Variants in ZNF83 observed in about 807,000 individuals in gnomAD.
The protein encoded by ZNF83 is zinc finger protein 816B.
For missense variants in ZNF83, 552 were observed against 629.9 expected (o/e 0.88, Z 1.32); for synonymous variants, 209 against 213.0 (o/e 0.98, Z 0.17).
At chr19:52,676,014 C>T (rs2061796379) in intron 1 of ZNF83, among the ~76,000 whole-genome samples, 1 of 152,098 alleles carries the variant, frequency 6.6e-6, no homozygotes, top group Non-Finnish European at 1.5e-5. Context: ...CATGGTGAAA[C>T]CCTGTCTCTA....
At chr19:52,687,607 ATATAATGTG>A (rs1209189982) in intron 1 of ZNF83, among the ~76,000 whole-genome samples, 1 of 20,378 alleles carries the variant, frequency 4.9e-5, no homozygotes, top group Non-Finnish European at 8.1e-5. Flanking sequence ...ATGTATATAT[ATATAATGTG>A]TATATATATA....
chr19:52,658,436 C>T (rs370868968), intron 2 of ZNF83, among the ~76,000 whole-genome samples: 18 of 152,118 alleles, frequency 1.2e-4, no homozygotes, highest in Non-Finnish European at 2.2e-4. Flanking sequence ...TGTGGTGGTG[C>T]GCACCTGTAA....
chr19:52,645,173 C>T (rs1462908135), intron 3 of ZNF83, among the ~76,000 whole-genome samples: 2 of 152,074 alleles, frequency 1.3e-5, no homozygotes, highest in Non-Finnish European at 1.5e-5. Flanking sequence ...GGAAAGAAAA[C>T]TGAAAAATAG....
chr19:52,628,858 ATC>A (rs2147143719), intron 2 of ZNF83, among the ~76,000 whole-genome samples: 1 of 150,160 alleles, frequency 6.7e-6, no homozygotes, highest in Non-Finnish European at 1.5e-5. Flanking sequence ...AACCTCATAT[ATC>A]TCTGTGCCCC....
intron 1 of ZNF83, among the ~76,000 whole-genome samples, chr19:52,680,820 G>T (rs1389521012): frequency 1.3e-5 from 2 of 150,044 alleles, no homozygotes; most frequent in East Asian, 2.0e-4. Context: ...CACCGTGTTA[G>T]CCAGGATGGT....
At chr19:52,651,228 A>C (rs1172831099) in intron 3 of ZNF83, 1 of 152,238 alleles carries the variant, frequency 6.6e-6, no homozygotes, top group Non-Finnish European at 1.5e-5. Context: ...GGTTTACAGA[A>C]ATAGACCTGA....
chr19:52,658,067 C>T (rs1255901264), intron 2 of ZNF83, among the ~76,000 whole-genome samples: 3 of 148,188 alleles, frequency 2.0e-5, no homozygotes, highest in Non-Finnish European at 3.0e-5. Flanking sequence ...ACCATGAAAG[C>T]GGAGGTTGCA....
At chr19:52,614,335 T>C (rs750156258) in exon 3 of ZNF83, 1 of 1,612,982 alleles carries the variant, frequency 6.2e-7, no homozygotes, top group East Asian at 2.2e-5. Flanking sequence ...GAATAATGAA[T>C]CCACAAAATT....
upstream of ZNF83, among the ~76,000 whole-genome samples, chr19:52,641,317 C>G (rs923566520): frequency 1.3e-5 from 2 of 152,116 alleles, no homozygotes; most frequent in Non-Finnish European, 2.9e-5. Flanking sequence ...GCGTCTGCCT[C>G]AAGAACATAG....
At chr19:52,676,989 C>T (rs35663969) in intron 1 of ZNF83, among the ~76,000 whole-genome samples, 18,585 of 144,434 alleles carry the variant, frequency 0.13, 1,252 homozygotes, top group Non-Finnish European at 0.15. Flanking sequence ...ACAAACACTG[C>T]GGAAGGCCGC....
intron 2 of ZNF83, among the ~76,000 whole-genome samples, chr19:52,619,775 TA>T (rs2060465314): frequency 6.6e-6 from 1 of 152,008 alleles, no homozygotes; most frequent in Non-Finnish European, 1.5e-5. Flanking sequence ...TAATCCCAGC[TA>T]CATGGGAGGC....
chr19:52,625,721 C>T (rs1368738597), intron 2 of ZNF83, among the ~76,000 whole-genome samples: 4 of 152,132 alleles, frequency 2.6e-5, no homozygotes, highest in Non-Finnish European at 4.4e-5. Flanking sequence ...GACTCTCCTC[C>T]CAGGCCCTCT....
chr19:52,647,400 C>T (rs375485309), intron 3 of ZNF83, among the ~76,000 whole-genome samples: 1 of 152,118 alleles, frequency 6.6e-6, no homozygotes, highest in African/African-American at 2.4e-5. Flanking sequence ...TCTGCCTTGG[C>T]CTCTAGAGTA....
intron 2 of ZNF83, among the ~76,000 whole-genome samples, chr19:52,656,864 C>CAAAAAAA (rs112522632): frequency 5.1e-5 from 7 of 136,656 alleles, no homozygotes; most frequent in Non-Finnish European, 6.5e-5. Flanking sequence ...GACTCCGTCT[C>CAAAAAAA]AAAAAAAAAA....
chr19:52,687,616 GTA>G (rs1427281800), intron 1 of ZNF83, among the ~76,000 whole-genome samples: 2,292 of 15,818 alleles, frequency 0.14, 541 homozygotes, highest in Middle Eastern at 0.31. Context: ...TATATAATGT[GTA>G]TATATATATA....
intron 2 of ZNF83, among the ~76,000 whole-genome samples, chr19:52,657,647 C>T (rs995949895): frequency 4.0e-5 from 6 of 151,368 alleles, no homozygotes; most frequent in East Asian, 2.0e-4. Flanking sequence ...CAGGAATTCG[C>T]GACCAGCCTG....
intron 1 of ZNF83, among the ~76,000 whole-genome samples, chr19:52,666,923 A>G (rs1305512206): frequency 6.6e-6 from 1 of 152,202 alleles, no homozygotes; most frequent in East Asian, 1.9e-4. Context: ...AGTTAGGAAA[A>G]TTGCCTAATA....
intron 1 of ZNF83, among the ~76,000 whole-genome samples, chr19:52,667,937 T>A (rs2061676467): frequency 6.6e-6 from 1 of 152,176 alleles, no homozygotes; most frequent in African/African-American, 2.4e-5. Context: ...AAAATGGTAT[T>A]TGGCTTTCTT....
upstream of ZNF83, among the ~76,000 whole-genome samples, chr19:52,642,676 A>T (rs2061323805): frequency 6.6e-6 from 1 of 152,080 alleles, no homozygotes; most frequent in Non-Finnish European, 1.5e-5. Flanking sequence ...GCTTTGACAC[A>T]CTGATATTTC....
Sources: gnomAD v4.1 joint callset for allele counts (sites outside exome capture counted in the v4.1 genomes callset) on GRCh38, gnomAD v4.1.1 for gene constraint, MANE v1.5 for transcripts, NCBI Gene and HGNC (gene_info 2026-07-23, HGNC 2026-07-21) for gene names.